Variants in CRACD observed in about 807,000 individuals in gnomAD.
The protein encoded by CRACD is capping protein inhibiting regulator of actin dynamics.
CRACD carries 56 observed loss-of-function variants against 106.8 expected under a neutral mutation model. The ratio of observed to expected loss-of-function variants is 0.52; its 90% CI spans 0.42 to 0.66. CRACD has a LOEUF of 0.66. CRACD is among the 30% of genes least tolerant of loss of function. CRACD has a pLI of 0.00. For synonymous variants in CRACD, 754 were observed against 670.8 expected (o/e 1.12, Z -1.92); for missense variants, 1,730 against 1,623.2 (o/e 1.07, Z -1.13).
At chr4:56,284,707 A>G (rs1001005741) in intron 3 of CRACD, among the ~76,000 whole-genome samples, 1 of 151,120 alleles carries the variant, frequency 6.6e-6, no homozygotes, top group African/African-American at 2.4e-5. Flanking sequence ...CCTGGGCTAC[A>G]GAGTGAGACT....
intron 1 of CRACD, among the ~76,000 whole-genome samples, chr4:56,118,083 A>C (rs1231702424): frequency 1.3e-5 from 2 of 152,214 alleles, no homozygotes; most frequent in Admixed American, 1.3e-4. Flanking sequence ...AAAACTGCTA[A>C]AACAAAGCCT....
chr4:56,265,566 C>T (rs1425887137), intron 2 of CRACD, among the ~76,000 whole-genome samples: 1 of 152,078 alleles, frequency 6.6e-6, no homozygotes, highest in Non-Finnish European at 1.5e-5. Flanking sequence ...GTTTCCAAGG[C>T]CAAACAAGGC....
In CRACD at chr4:56,330,328, TAC is replaced by T. The variant is rs932762974; in HGVS notation, c.*2528_*2529del. 6.6e-6 allele frequency among the ~76,000 whole-genome samples: 1 copy of T among 152,204 alleles called. No homozygotes were observed. The highest frequency in any genetic ancestry group is 2.4e-5 in the African/African-American group (1 of 41,460). On this transcript the variant is annotated 3_prime_UTR_variant, in exon 11 of 11. Transcript: ENST00000682029. ...TAATTTTTCAAGTGCAATTGTTTCT[TAC>T]ACAGACATTATTACTATTAAATTAT...
chr4:56,193,099 T>C (rs1306526373), intron 2 of CRACD, among the ~76,000 whole-genome samples: 1 of 152,148 alleles, frequency 6.6e-6, no homozygotes, highest in Admixed American at 6.5e-5. Flanking sequence ...CTCACAATCA[T>C]GGTGGAAGAC....
chr4:56,175,890 T>C (rs1259521142), intron 1 of CRACD, among the ~76,000 whole-genome samples: 3 of 152,232 alleles, frequency 2.0e-5, no homozygotes, highest in Non-Finnish European at 4.4e-5. Flanking sequence ...CCCAGTGTTT[T>C]CTTGTAGTAG....
intron 1 of CRACD, among the ~76,000 whole-genome samples, chr4:56,172,706 G>A (rs62308650): frequency 2.0e-5 from 3 of 151,006 alleles, no homozygotes; most frequent in Middle Eastern, 3.4e-3. Flanking sequence ...TCACTGCAAC[G>A]TCCACCTCCT....
rs1745645410 is a variant in CRACD, at chr4:56,316,304, T to TGGGCCTCCACCGGCCAGCAGCC, written c.2803_2824dup (p.Gln942ArgfsTer68). On this transcript the variant is annotated frameshift_variant, in exon 8 of 11. Coordinates refer to ENST00000682029, the MANE Select transcript of CRACD (RefSeq NM_001393381.1). LOFTEE classifies it high-confidence loss of function. ...GCCGCTCTGTTCCTGTGGCCCACCCTGGGCCTCCACCGGCCAGCAGCCAGA... is the reference window on the plus strand; with the variant it reads ...GCCGCTCTGTTCCTGTGGCCCACCCTGGGCCTCCACCGGCCAGCAGCCGGGCCTCCACCGGCCAGCAGCCAGA... 6.2e-7 allele frequency: 1 copy of TGGGCCTCCACCGGCCAGCAGCC among 1,613,860 alleles called. No individual in the cohort carries two copies. Among genetic ancestry groups the TGGGCCTCCACCGGCCAGCAGCC allele is most frequent in the African/African-American group, 1.3e-5 (1 of 74,936 alleles).
chr4:56,203,854 T>C (rs1027488620), intron 2 of CRACD, among the ~76,000 whole-genome samples: 1 of 152,122 alleles, frequency 6.6e-6, no homozygotes, highest in Non-Finnish European at 1.5e-5. Context: ...GTACCTCCAA[T>C]CCTCGTTTTC....
Position 56,314,940 on chromosome 4 carries a change from G to T in CRACD, c.1438G>T (p.Glu480Ter). ...DFQGADRPGP[E>*]EKREEGDTEP... ...CCAGGGGGCCGATCGTCCTGGGCCC[G>T]AGGAAAAGAGAGAAGAAGGGGACAC... The change falls in exon 8 of 11, where the codon GAG (glutamate) becomes TAG (stop). Residue 480 changes from glutamate (E) to a stop codon, truncating the protein, a stop_gained. Transcript: ENST00000682029. LOFTEE classifies it high-confidence loss of function. This position sits in a 1 kb window ranked among gnomAD's most constrained non-coding sequence, Gnocchi z 4.4. The T allele has an allele frequency of 6.3e-7, 1 of 1,597,134 alleles. No individual in the cohort carries two copies.
rs530017407 is a variant in CRACD, at chr4:56,084,830, T to A, written c.-336+35531T>A. The stretch of plus-strand genomic sequence containing the variant: ...AAGTTCTGTACTGGGGTTATTACCA[T>A]TTGGATTTTCCTTGGAAGTTTCTAG... On this transcript the variant is annotated intron_variant, in intron 1 of 10. Transcript: ENST00000682029. Among the ~76,000 whole-genome samples, 5 of 152,286 alleles carry A rather than the reference T, an allele frequency of 3.3e-5. No individual in the cohort carries two copies. In the East Asian group the frequency reaches 9.6e-4, roughly 29 times the overall value.
At chr4:56,128,983 T>G (rs1286397120) in intron 1 of CRACD, among the ~76,000 whole-genome samples, 3 of 152,340 alleles carry the variant, frequency 2.0e-5, no homozygotes, top group African/African-American at 7.2e-5. Flanking sequence ...CAGTTATTTT[T>G]GGGACCTATT....
At chr4:56,120,978 T>A (rs954288862) in intron 1 of CRACD, among the ~76,000 whole-genome samples, 1 of 152,236 alleles carries the variant, frequency 6.6e-6, no homozygotes, top group Non-Finnish European at 1.5e-5. Context: ...CTGAGACTTA[T>A]CAAGGTCTTG....
chr4:56,287,345 T>C (rs918309767), intron 3 of CRACD, among the ~76,000 whole-genome samples: 1 of 151,968 alleles, frequency 6.6e-6, no homozygotes, highest in East Asian at 1.9e-4. Flanking sequence ...TGCAGTGGCA[T>C]GATTTTGGCT....
At chr4:56,067,066 C>T (rs1732487815) in intron 1 of CRACD, among the ~76,000 whole-genome samples, 1 of 152,036 alleles carries the variant, frequency 6.6e-6, no homozygotes, top group Non-Finnish European at 1.5e-5. Context: ...CAAAATAGAA[C>T]AGGGCTTGCC....
intron 1 of CRACD, among the ~76,000 whole-genome samples, chr4:56,092,018 A>G (rs914263070): frequency 1.3e-5 from 2 of 152,238 alleles, no homozygotes; most frequent in Admixed American, 1.3e-4. Context: ...CCTTGTCTCT[A>G]TAAAAAGAAA....
At chr4:56,153,131 T>A (rs1358608468) in intron 1 of CRACD, among the ~76,000 whole-genome samples, 6 of 152,074 alleles carry the variant, frequency 3.9e-5, no homozygotes, top group Non-Finnish European at 7.4e-5. Context: ...AATACAAAAT[T>A]AGCTGGGCAC....
rs1745553624 is a variant in CRACD at position 56,315,473 on chromosome 4, G to A, written c.1971G>A (p.Glu657=). ...GCGGGAAGGCTAAGCCCCGCCAGGA[G>A]TCTCCCAGCAGCGCGTCCGCACTCG... ...AGSGKAKPRQ[E]SPSSASALAE... is the part of the protein sequence containing the mutation. The change falls in exon 8 of 11, where the codon GAG becomes GAA. Residue 657 remains glutamate (E), a synonymous_variant. Transcript: ENST00000682029. This position sits in a 1 kb window ranked among gnomAD's most constrained non-coding sequence, Gnocchi z 4.1. 7 of 1,613,116 alleles carry A rather than the reference G, an allele frequency of 4.3e-6. No individual in the cohort carries two copies. The highest frequency in any genetic ancestry group is 1.3e-5 in the African/African-American group (1 of 74,938).
chr4:56,316,717 T>A (rs774219162), intron 8 of CRACD, 28 bp downstream of exon 8: 1 of 1,581,004 alleles, frequency 6.3e-7, no homozygotes, highest in Non-Finnish European at 8.6e-7. Context: ...GGGTAACTGC[T>A]GCCAGCCGAG....
chr4:56,270,681 C>T (rs1232689858), intron 2 of CRACD, among the ~76,000 whole-genome samples: 1 of 152,080 alleles, frequency 6.6e-6, no homozygotes, highest in Non-Finnish European at 1.5e-5. Context: ...GGTTCCTCAT[C>T]TGTAAAATGG....
Sources: allele counts gnomAD v4.1 joint callset (sites outside exome capture counted in the v4.1 genomes callset), GRCh38; gene constraint gnomAD v4.1.1; non-coding constraint Gnocchi (gnomAD v3.1); transcripts MANE v1.5; gene names NCBI Gene and HGNC (gene_info 2026-07-23, HGNC 2026-07-21).